Variants in TK1 observed in about 807,000 individuals in gnomAD.
The protein encoded by TK1 is thymidine kinase, cytosolic.
In TK1, 13 loss-of-function variants were observed where a neutral mutation model predicts 22.4. The observed-to-expected ratio is 0.58, with a 90% CI of 0.38 to 0.92. The LOEUF (loss-of-function observed/expected upper bound fraction) is 0.92. TK1 is among the 40% of genes least tolerant of loss of function. TK1 has a pLI of 0.00. For missense variants in TK1, 251 were observed against 315.7 expected (o/e 0.80, Z 1.55); for synonymous variants, 134 against 125.4 (o/e 1.07, Z -0.46).
chr17:78,182,331 A>ATCG (rs1401477922), intron 4 of TK1, among the ~76,000 whole-genome samples: 2 of 150,896 alleles, frequency 1.3e-5, no homozygotes, highest in East Asian at 3.9e-4. Flanking sequence ...AGATTGTGCC[A>ATCG]TCGTACTCCG....
chr17:78,177,311 G>A (rs748011087), intron 4 of TK1, among the ~76,000 whole-genome samples: 2 of 152,204 alleles, frequency 1.3e-5, no homozygotes, highest in African/African-American at 4.8e-5. Flanking sequence ...GACCTCATGG[G>A]ACAGGTCACA....
In TK1 at chr17:78,186,772, C is replaced by T. The variant is rs2075805938; in HGVS notation, c.98+15G>A. 2 of 1,581,184 alleles carry T rather than the reference C, an allele frequency of 1.3e-6. No homozygotes were observed. The highest frequency in any genetic ancestry group is 1.7e-6 in the Non-Finnish European group (2 of 1,164,044). On this transcript the variant is annotated intron_variant, in intron 2 of 6. Transcript: ENST00000301634. Reference sequence around the variant, plus strand: ...AAGAGGAAGGAGCTCCACCCCAGCCCCGCGAAGCCATTACCTTTTTCCTGA... The same window carrying T: ...AAGAGGAAGGAGCTCCACCCCAGCCTCGCGAAGCCATTACCTTTTTCCTGA...
Position 78,175,124 on chromosome 17 carries a change from C to G in TK1, c.439G>C (p.Val147Leu), listed in dbSNP as rs1181571264. 1 of 1,613,382 alleles carries G rather than the reference C, an allele frequency of 6.2e-7. No individual in the cohort carries two copies. Among genetic ancestry groups the G allele is most frequent in the Non-Finnish European group, 8.5e-7 (1 of 1,179,890 alleles). Reference protein sequence around the residue: ...LNLVPLAESVVKLTAVCMECF... With the variant: ...LNLVPLAESVLKLTAVCMECF... ...TCCATGCACACCGCCGTCAGCTTCACCACGCTCTCGGCCAGCGGCACCAGG... is the reference window on the plus strand; with the variant it reads ...TCCATGCACACCGCCGTCAGCTTCAGCACGCTCTCGGCCAGCGGCACCAGG... The change falls in exon 6 of 7, where the codon GTG becomes CTG. Residue 147 changes from valine to leucine, a missense_variant. Physicochemically the swap from Val to Leu is conservative, Grantham distance 32 (BLOSUM62 1). Transcript: ENST00000301634.
chr17:78,175,022 G>A lies in TK1; in HGVS notation c.513+28C>T, dbSNP rs754420630. On this transcript the variant is annotated intron_variant, in intron 6 of 6. Transcript: ENST00000301634. ...GGCAGAGCCATACCCCCACCCCGCC[G>A]GCCTGCAGGGAAGGCAGGTGGAGCT... is the stretch of plus-strand genomic sequence containing the variant. The A allele has an allele frequency of 4.7e-5, 75 of 1,611,620 alleles. No homozygotes were observed. The Admixed American group carries it at 5.0e-4, about 11-fold the overall frequency.
At chr17:78,186,133 G>GGC (rs1555602996) in intron 2 of TK1, among the ~76,000 whole-genome samples, 8 of 152,040 alleles carry the variant, frequency 5.3e-5, no homozygotes, top group African/African-American at 1.9e-4. Flanking sequence ...GGAGGCGGGG[G>GGC]GGTGCACGCC....
In TK1 at chr17:78,182,582, A is replaced by G. The variant is rs1483574822; in HGVS notation, c.303+7T>C. On this transcript the variant is annotated splice_region_variant and intron_variant, in intron 4 of 6. Coordinates refer to ENST00000301634, the MANE Select transcript of TK1 (RefSeq NM_003258.5). ...AGGAAGAGTGATGCCAAGACAAGCC[A>G]ACTTACAAACTGCCCCTCGTCGATG... 1.3e-6 allele frequency: 2 copies of G among 1,569,712 alleles called. No homozygotes were observed. Among genetic ancestry groups the G allele is most frequent in the East Asian group, 4.6e-5 (2 of 43,100 alleles).
intron 3 of TK1, among the ~76,000 whole-genome samples, chr17:78,184,419 G>A (rs1435325659): frequency 6.6e-6 from 1 of 152,216 alleles, no homozygotes; most frequent in Non-Finnish European, 1.5e-5. Flanking sequence ...AAGCGTCTCA[G>A]GCTCAGAAAC....
Position 78,182,610 on chromosome 17 carries a change from T to A in TK1, c.282A>T (p.Ile94=), listed in dbSNP as rs760956058. 6.3e-7 allele frequency: 1 copy of A among 1,591,954 alleles called. No homozygotes were observed. Among genetic ancestry groups the A allele is most frequent in the South Asian group, 1.1e-5 (1 of 87,788 alleles). Residue 94 remains isoleucine (I), a synonymous_variant, in exon 4 of 7, where the codon ATA becomes ATT. Coordinates refer to ENST00000301634, the MANE Select transcript of TK1 (RefSeq NM_003258.5). ...VAQEALGVAV[I]GIDEGQFFPD... is the part of the protein sequence containing the mutation. ...TTACAAACTGCCCCTCGTCGATGCC[T>A]ATGACAGCCACGCCCAGGGCCTCCT...
At chr17:78,185,480 A>G (rs2075776925) in intron 2 of TK1, among the ~76,000 whole-genome samples, 1 of 152,166 alleles carries the variant, frequency 6.6e-6, no homozygotes, top group African/African-American at 2.4e-5. Context: ...CTGCGACTGC[A>G]TTCCAAAGTA....
rs1208769947 is a variant in TK1 at position 78,174,833 on chromosome 17, T to C, written c.631A>G (p.Lys211Glu). ...DNKENCPVPG[K>E]PGEAVAARKL... ...CTGGCAGCCACGGCTTCCCCTGGCT[T>C]TCCTGGCACTGGGCAGTTCTCTTTG... The change falls in exon 7 of 7, where the codon AAG becomes GAG. Residue 211 changes from lysine to glutamate, a missense_variant. By Grantham distance (56) the Lys-to-Glu change is moderately conservative. Transcript: ENST00000301634. 2 of 1,613,408 alleles carry C rather than the reference T, an allele frequency of 1.2e-6. No homozygotes were observed. The highest frequency in any genetic ancestry group is 1.1e-5 in the South Asian group (1 of 90,964).
At chr17:78,177,883 T>G (rs1414060907) in intron 4 of TK1, among the ~76,000 whole-genome samples, 2 of 151,430 alleles carry the variant, frequency 1.3e-5, no homozygotes, top group Non-Finnish European at 2.9e-5. Context: ...TTTGTCTATT[T>G]TTTTTGAGAC....
intron 6 of TK1, 49 bp from the exon 7 acceptor site, chr17:78,174,999 C>G (rs1191430363): frequency 1.2e-6 from 2 of 1,609,762 alleles, no homozygotes; most frequent in East Asian, 2.2e-5. Flanking sequence ...AGGAAGGAGG[C>G]AGAGCCATAC....
chr17:78,180,672 A>G (rs1348087006), intron 4 of TK1, among the ~76,000 whole-genome samples: 2 of 152,240 alleles, frequency 1.3e-5, no homozygotes, highest in African/African-American at 4.8e-5. Context: ...TTAGAGCAGC[A>G]GATGTAAAAA....
chr17:78,175,390 G>T (rs763160516), intron 5 of TK1, 139 bp downstream of exon 5: 579 of 1,069,678 alleles, frequency 5.4e-4, no homozygotes, highest in Non-Finnish European at 6.0e-4. Context: ...GAGTCCCTTG[G>T]CTCAGCCAAG....
upstream of TK1, chr17:78,187,202 C>A (rs971515121): frequency 9.2e-6 from 8 of 866,740 alleles, no homozygotes; most frequent in Non-Finnish European, 1.5e-5. Context: ...CCGGGACGTG[C>A]GCCCAGGGAC....
chr17:78,187,083 C>T (rs777307969), upstream of TK1: 29 of 1,405,008 alleles, frequency 2.1e-5, no homozygotes, highest in African/African-American at 4.3e-5. Flanking sequence ...CTTTAAACCA[C>T]GGCGTGCTGG....
chr17:78,184,986 G>C (rs2075770642), intron 3 of TK1, 69 bp downstream of exon 3: 7 of 1,158,092 alleles, frequency 6.0e-6, no homozygotes, highest in South Asian at 1.3e-5. Flanking sequence ...CCATTAAAGA[G>C]AGTCCTAACA....
Position 78,174,611 on chromosome 17 carries a change from C to T in TK1, c.*148G>A, listed in dbSNP as rs1257540538. On this transcript the variant is annotated 3_prime_UTR_variant, in exon 7 of 7. Coordinates refer to ENST00000301634, the MANE Select transcript of TK1 (RefSeq NM_003258.5). ...AGGAGGGAGCATGCGGCAGGTGGGG[C>T]AGCCACACAAAGGAGAGTTCCCAGA... is the stretch of plus-strand genomic sequence containing the variant. 3.5e-6 allele frequency: 3 copies of T among 859,442 alleles called. No homozygotes were observed. The highest frequency in any genetic ancestry group is 5.2e-6 in the Non-Finnish European group (3 of 574,294). 53.2% of individuals were successfully genotyped at this position (859,442 alleles called of 1,614,324 possible).
In TK1 at chr17:78,174,852, C is replaced by T; in HGVS notation, c.612G>A (p.Glu204=). Residue 204 remains glutamate (E), a synonymous_variant, in exon 7 of 7, where the codon GAG becomes GAA. Transcript: ENST00000301634. ...SGQPAGPDNK[E]NCPVPGKPGE... is the part of the protein sequence containing the mutation. The stretch of plus-strand genomic sequence containing the variant: ...CTGGCTTTCCTGGCACTGGGCAGTT[C>T]TCTTTGTTGTCCGGCCCGGCAGGCT... 2 of 1,613,788 alleles carry T rather than the reference C, an allele frequency of 1.2e-6. No homozygotes were observed. The highest frequency in any genetic ancestry group is 1.7e-6 in the Non-Finnish European group (2 of 1,179,800).
Sources: gnomAD v4.1 joint callset for allele counts (sites outside exome capture counted in the v4.1 genomes callset) on GRCh38, gnomAD v4.1.1 for gene constraint, MANE v1.5 for transcripts, NCBI Gene and HGNC (gene_info 2026-07-23, HGNC 2026-07-21) for gene names.